The following CEP128 variants were observed in gnomAD, a reference collection of about 807,000 sequenced individuals.
CEP128 encodes centrosomal protein 128kDa.
A neutral mutation model predicts 156.7 loss-of-function variants in CEP128; 132 were observed. The ratio of observed to expected loss-of-function variants is 0.84; its 90% CI spans 0.73 to 0.97. CEP128 has a LOEUF of 0.97. CEP128 is among the 50% of genes least tolerant of loss of function. The pLI is 0.00. For synonymous variants in CEP128, 469 were observed against 448.9 expected, an observed-to-expected ratio of 1.04 and a Z score of -0.57; for missense variants, 1,252 against 1,281.9, an observed-to-expected ratio of 0.98 and a Z score of 0.36.
rs369353522 is a variant in CEP128 at position 80,481,432 on chromosome 14, T to C, written c.*311-3025A>G. Among the ~76,000 whole-genome samples, 16 of 152,312 alleles carry C rather than the reference T, an allele frequency of 1.1e-4. No individual in the cohort carries two copies. The East Asian group carries it at 1.4e-3, about 13-fold the overall frequency. On this transcript the variant is annotated intron_variant and NMD_transcript_variant, in intron 14 of 14. Transcript: ENST00000554502. The stretch of plus-strand genomic sequence containing the variant: ...TACAACATGTGGCAGTTCTCAGAGA[T>C]ACAATTCAAGTTAAGATTTCAGTGG...
At chr14:80,787,897 G>A (rs1192015686) in intron 14 of CEP128, among the ~76,000 whole-genome samples, 1 of 152,116 alleles carries the variant, frequency 6.6e-6, no homozygotes, top group Non-Finnish European at 1.5e-5. Flanking sequence ...CCAGAGACAG[G>A]ATGGTTCAAG....
chr14:80,664,041 C>T (rs1895511432), intron 19 of CEP128, among the ~76,000 whole-genome samples: 1 of 152,204 alleles, frequency 6.6e-6, no homozygotes, highest in South Asian at 2.1e-4. Context: ...CAGAAAGATA[C>T]TAAATCAATT....
chr14:80,536,145 T>G (rs1889473315), intron 21 of CEP128, among the ~76,000 whole-genome samples: 1 of 152,154 alleles, frequency 6.6e-6, no homozygotes. Flanking sequence ...CCAAATAATA[T>G]AGTATGACAA....
intron 19 of CEP128, among the ~76,000 whole-genome samples, chr14:80,717,915 A>G (rs1897667966): frequency 6.6e-6 from 1 of 152,142 alleles, no homozygotes; most frequent in African/African-American, 2.4e-5. Flanking sequence ...CTCAGGCTCA[A>G]TGGATTCTCC....
intron 20 of CEP128, among the ~76,000 whole-genome samples, chr14:80,579,870 G>A (rs539159832): frequency 2.2e-4 from 33 of 152,222 alleles, no homozygotes; most frequent in Admixed American, 3.3e-4. Flanking sequence ...ACTAAAATTC[G>A]AGTGGAATCT....
downstream of CEP128, among the ~76,000 whole-genome samples, chr14:80,488,568 CAG>C (rs1887223485): frequency 6.6e-6 from 1 of 151,888 alleles, no homozygotes; most frequent in Non-Finnish European, 1.5e-5. Flanking sequence ...TTGTGGAAGT[CAG>C]TGTGGTGATT....
At chr14:80,826,568 C>T (rs1048731924) in intron 13 of CEP128, among the ~76,000 whole-genome samples, 1 of 151,966 alleles carries the variant, frequency 6.6e-6, no homozygotes, top group Middle Eastern at 3.4e-3. Flanking sequence ...AAGAAACAAC[C>T]TTCCTTCTAT....
chr14:80,633,991 C>T (rs55910446), intron 19 of CEP128, among the ~76,000 whole-genome samples: 9,436 of 152,204 alleles, frequency 0.062, 336 homozygotes, highest in Non-Finnish European at 0.071. Context: ...CTAAGCCATG[C>T]ATATCTTCCT....
At chr14:80,636,180 T>G (rs1049614538) in intron 19 of CEP128, among the ~76,000 whole-genome samples, 1 of 152,232 alleles carries the variant, frequency 6.6e-6, no homozygotes, top group Non-Finnish European at 1.5e-5. Flanking sequence ...CTCCACAGAA[T>G]GGGAGCTGTT....
At chr14:80,716,772 T>C (rs1897623263) in intron 19 of CEP128, among the ~76,000 whole-genome samples, 1 of 152,236 alleles carries the variant, frequency 6.6e-6, no homozygotes, top group South Asian at 2.1e-4. Context: ...CTAGGTTATA[T>C]GTAACTCTAT....
At chr14:80,822,743 G>A in intron 13 of CEP128, 1 of 825,786 alleles carries the variant, frequency 1.2e-6, no homozygotes, top group South Asian at 1.3e-5. Flanking sequence ...AGAAAATGGA[G>A]ATGCCAAAAC....
At chr14:80,841,299 C>T (rs1886338454) in intron 9 of CEP128, among the ~76,000 whole-genome samples, 1 of 151,884 alleles carries the variant, frequency 6.6e-6, no homozygotes, top group Non-Finnish European at 1.5e-5. Flanking sequence ...GTGTAAAGTC[C>T]ATACAGCTTG....
rs183452184 is a variant in CEP128 at position 80,866,369 on chromosome 14, C to T, written c.646-3496G>A. Among the ~76,000 whole-genome samples the T allele has an allele frequency of 2.0e-4, 30 of 152,252 alleles. No individual in the cohort carries two copies. In the South Asian group the frequency reaches 4.4e-3, roughly 22 times the overall value. On this transcript the variant is annotated intron_variant, in intron 8 of 24. Transcript: ENST00000555265. ...AACTTGCCCCACACCAGTAGACCCT[C>T]GTGCCAGGCCAGCCCCAGAGGAGCC...
At chr14:80,613,271 A>G (rs978592815) in intron 19 of CEP128, among the ~76,000 whole-genome samples, 3 of 150,030 alleles carry the variant, frequency 2.0e-5, no homozygotes, top group Non-Finnish European at 4.4e-5. Context: ...CCGTCCGCTC[A>G]AAACTCAAAC....
downstream of CEP128, among the ~76,000 whole-genome samples, chr14:80,494,137 C>G (rs1887415166): frequency 6.6e-6 from 1 of 152,168 alleles, no homozygotes; most frequent in South Asian, 2.1e-4. Flanking sequence ...AACTTAAAAG[C>G]TGAAAGATGG....
In CEP128 at chr14:80,670,756, A is replaced by T. The variant is rs1240116025; in HGVS notation, c.2806+72319T>A. The stretch of plus-strand genomic sequence containing the variant: ...ACAGCCATGTAAGAAAACTGTACTT[A>T]TAAATTTACGTACATTTTAAATTTA... On this transcript the variant is annotated intron_variant, in intron 19 of 24. Coordinates refer to ENST00000555265, the MANE Select transcript of CEP128 (RefSeq NM_152446.5). 2.6e-5 allele frequency among the ~76,000 whole-genome samples: 4 copies of T among 152,178 alleles called. No individual in the cohort carries two copies. In the East Asian group the frequency reaches 7.7e-4, roughly 29 times the overall value.
chr14:80,497,434 T>C lies in CEP128; in HGVS notation c.*45A>G. The C allele has an allele frequency of 3.1e-6, 4 of 1,285,026 alleles. No individual in the cohort carries two copies. In the Middle Eastern group the frequency reaches 5.5e-4, roughly 178 times the overall value. The allele number at this position is 1,285,026 out of a possible 1,614,324, so 79.6% of individuals were successfully genotyped here. ...ATTGCTGTAAGAATAGAGATGTTATTATTTGTAACATACTCATGTAAAATA... is the reference window on the plus strand; with the variant it reads ...ATTGCTGTAAGAATAGAGATGTTATCATTTGTAACATACTCATGTAAAATA... On this transcript the variant is annotated 3_prime_UTR_variant, in exon 25 of 25. Coordinates refer to ENST00000555265, the MANE Select transcript of CEP128 (RefSeq NM_152446.5).
At chr14:80,587,412 C>T (rs944229121) in intron 19 of CEP128, among the ~76,000 whole-genome samples, 6 of 152,198 alleles carry the variant, frequency 3.9e-5, no homozygotes, top group African/African-American at 1.4e-4. Context: ...GAAAGGTTTA[C>T]AGTTCACTGT....
intron 16 of CEP128, among the ~76,000 whole-genome samples, chr14:80,775,474 T>A (rs947299181): frequency 6.6e-6 from 1 of 152,244 alleles, no homozygotes; most frequent in Admixed American, 6.5e-5. Context: ...AATATAAGCA[T>A]GTTTGCGTGT....
Sources: allele counts gnomAD v4.1 joint callset (sites outside exome capture counted in the v4.1 genomes callset), GRCh38; gene constraint gnomAD v4.1.1; transcripts MANE v1.5; gene names NCBI Gene and HGNC (gene_info 2026-07-23, HGNC 2026-07-21).